The following DNAI4 variants were observed in gnomAD, a reference collection of about 807,000 sequenced individuals.
The protein encoded by DNAI4 is WD repeat domain 78.
Under a neutral mutation model 105.8 loss-of-function variants are expected in DNAI4, and 85 were observed. The ratio of observed to expected loss-of-function variants is 0.80; its 90% confidence interval spans 0.67 to 0.96. The LOEUF (loss-of-function observed/expected upper bound fraction) is 0.96, where lower values mean the gene tolerates loss of function less well. Ranked by LOEUF, DNAI4 falls within the 40% of genes least tolerant of loss-of-function variation. The pLI is 0.00. For synonymous variants in DNAI4, 352 were observed against 331.5 expected (o/e 1.06, Z -0.67); for missense variants, 1,014 against 1,005.6 (o/e 1.01, Z -0.11).
intron 16 of DNAI4, 41 bp downstream of exon 16, chr1:66,822,320 A>T: frequency 1.3e-6 from 2 of 1,533,204 alleles, no homozygotes; most frequent in Middle Eastern, 3.5e-4. Context: ...AACTGAATAG[A>T]CTAATAAAAT....
At chr1:66,817,464 T>G (rs1257202956) in intron 16 of DNAI4, among the ~76,000 whole-genome samples, 1 of 152,096 alleles carries the variant, frequency 6.6e-6, no homozygotes. Context: ...TCCCAGCTAC[T>G]TGGGAGGCTG....
intron 7 of DNAI4, among the ~76,000 whole-genome samples, chr1:66,853,268 C>G (rs1034678018): frequency 1.3e-5 from 2 of 152,214 alleles, no homozygotes; most frequent in Non-Finnish European, 2.9e-5. Flanking sequence ...ATGGGCATTA[C>G]CCCTTGGGCT....
intron 1 of DNAI4, among the ~76,000 whole-genome samples, chr1:66,920,125 A>G (rs978964559): frequency 6.6e-6 from 1 of 151,894 alleles, no homozygotes; most frequent in Non-Finnish European, 1.5e-5. Context: ...ACCCATAAAA[A>G]CCCCAGGCTC....
Position 66,841,904 on chromosome 1 carries a change from G to A in DNAI4, c.1292-1233C>T, listed in dbSNP as rs75561354. Among the ~76,000 whole-genome samples, 416 of 152,246 alleles carry A rather than the reference G, an allele frequency of 2.7e-3. 5 individuals carry two copies. Among genetic ancestry groups the A allele is most frequent in the African/African-American group, 9.4e-3 (390 of 41,536 alleles). On this transcript the variant is annotated intron_variant, in intron 8 of 16. Coordinates refer to ENST00000371026, the MANE Select transcript of DNAI4 (RefSeq NM_024763.5). ...GTATATTCTATAAGCTTTGACAAAC[G>A]TGTATAATGACATGTATCTGCCATT... is the stretch of plus-strand genomic sequence containing the variant.
At chr1:66,892,987 A>G (rs56192480) in intron 3 of DNAI4, among the ~76,000 whole-genome samples, 25 of 120,910 alleles carry the variant, frequency 2.1e-4, no homozygotes, top group African/African-American at 8.2e-4. Flanking sequence ...GAAAGAAAGA[A>G]AGAAAGAAAG....
At position 66,891,251 on chromosome 1, in the gene DNAI4, G is replaced by T; in HGVS notation, c.546C>A (p.Ser182Arg). 1 of 1,613,106 alleles carries T rather than the reference G, an allele frequency of 6.2e-7. No homozygotes were observed. Among genetic ancestry groups the T allele is most frequent in the Non-Finnish European group, 8.5e-7 (1 of 1,179,572 alleles). Residue 182 changes from serine (S) to arginine (R), a missense_variant, in exon 4 of 17, where the codon AGC becomes AGA. By Grantham distance (110) the Ser-to-Arg change is moderately radical (BLOSUM62 -1). Coordinates refer to ENST00000371026, the MANE Select transcript of DNAI4 (RefSeq NM_024763.5). ...LGQFTRSVLG[S>R]STVSKSSVSA... is the part of the protein sequence containing the mutation. ...ATACACTTGACTTAGAAACTGTACT[G>T]CTTCCTAAAACTGACCTTTAATAAT...
rs74225048 is a variant in DNAI4, at chr1:66,888,012, G to A, written c.643+3142C>T. On this transcript the variant is annotated intron_variant, in intron 4 of 16. Transcript: ENST00000371026. ...CTTGCAGTTATTTAAAATATCTATT[G>A]TATCTGTATGGTGGTGTGCTACTAA... 2.1e-3 allele frequency among the ~76,000 whole-genome samples: 313 copies of A among 152,108 alleles called. 6 individuals carry two copies. In the East Asian group the frequency reaches 0.053, roughly 26 times the overall value.
intron 4 of DNAI4, among the ~76,000 whole-genome samples, chr1:66,882,722 G>T (rs1463604283): frequency 6.6e-6 from 1 of 151,560 alleles, no homozygotes; most frequent in Non-Finnish European, 1.5e-5. Context: ...TTGAAATCAG[G>T]TAATGTGAGT....
chr1:66,897,016 T>C (rs1648392454), intron 2 of DNAI4, among the ~76,000 whole-genome samples: 1 of 150,820 alleles, frequency 6.6e-6, no homozygotes, highest in Non-Finnish European at 1.5e-5. Flanking sequence ...GCACTAAGGG[T>C]GATTCTGGTG....
intron 4 of DNAI4, among the ~76,000 whole-genome samples, chr1:66,878,825 T>C (rs1454934731): frequency 6.6e-6 from 1 of 152,176 alleles, no homozygotes; most frequent in Non-Finnish European, 1.5e-5. Flanking sequence ...AATACCCCCA[T>C]GGGAAGTGAC....
chr1:66,896,264 A>C lies in DNAI4; in HGVS notation c.346-2851T>G, dbSNP rs575142166. Among the ~76,000 whole-genome samples, 10 of 152,366 alleles carry C rather than the reference A, an allele frequency of 6.6e-5. No individual in the cohort carries two copies. The South Asian group carries it at 2.1e-3, about 32-fold the overall frequency. Reference sequence around the variant, plus strand: ...CTTTGGTAAAGTGTAATTTTTTAAAAGCTTTTTTACATTTTACCTAAATTT... The same window carrying C: ...CTTTGGTAAAGTGTAATTTTTTAAACGCTTTTTTACATTTTACCTAAATTT... On this transcript the variant is annotated intron_variant, in intron 2 of 16. Coordinates refer to ENST00000371026, the MANE Select transcript of DNAI4 (RefSeq NM_024763.5).
intron 4 of DNAI4, among the ~76,000 whole-genome samples, chr1:66,877,300 A>G (rs1646977952): frequency 6.6e-6 from 1 of 152,190 alleles, no homozygotes; most frequent in Non-Finnish European, 1.5e-5. Context: ...CAACCTGTGC[A>G]TGAGATGCTG....
At chr1:66,854,951 G>T (rs1312108532) in intron 7 of DNAI4, among the ~76,000 whole-genome samples, 1 of 152,130 alleles carries the variant, frequency 6.6e-6, no homozygotes, top group Non-Finnish European at 1.5e-5. Flanking sequence ...TTAATGCTTT[G>T]ATATCCTAGG....
intron 4 of DNAI4, among the ~76,000 whole-genome samples, chr1:66,880,548 C>T (rs1296308168): frequency 2.0e-5 from 3 of 152,022 alleles, no homozygotes; most frequent in Non-Finnish European, 4.4e-5. Context: ...CTTAGAGATT[C>T]GTGGAACTTG....
intron 4 of DNAI4, among the ~76,000 whole-genome samples, chr1:66,883,180 C>CTTTTTTTTTTTTTT (rs755412295): frequency 3.2e-5 from 3 of 92,996 alleles, no homozygotes; most frequent in Non-Finnish European, 4.3e-5. Flanking sequence ...GTTTTCTTTT[C>CTTTTTTTTTTTTTT]TTTTTTTTTT....
chr1:66,893,400 T>C lies in DNAI4; in HGVS notation c.359A>G (p.Asn120Ser). 1 of 1,554,902 alleles carries C rather than the reference T, an allele frequency of 6.4e-7. No homozygotes were observed. The highest frequency in any genetic ancestry group is 1.4e-5 in the African/African-American group (1 of 72,420). The change falls in exon 3 of 17, where the codon AAT (asparagine) becomes AGT (serine). Residue 120 changes from asparagine (N) to serine (S), a missense_variant. Coordinates refer to ENST00000371026, the MANE Select transcript of DNAI4 (RefSeq NM_024763.5). ...NIKTTQVFDI[N>S]GTDVTPRPLY... ...AGGTCGGGGAGTAACATCAGTTCCA[T>C]TTATGTCAAATACCTGTTAAAAATG... is the stretch of plus-strand genomic sequence containing the variant.
intron 4 of DNAI4, among the ~76,000 whole-genome samples, chr1:66,884,483 T>C (rs1002644372): frequency 1.3e-5 from 2 of 152,204 alleles, no homozygotes; most frequent in African/African-American, 2.4e-5. Context: ...GAAATGATCA[T>C]ACAGTTTTTG....
chr1:66,822,185 A>G (rs1645643156), intron 16 of DNAI4, among the ~76,000 whole-genome samples, 176 bp downstream of exon 16: 1 of 43,416 alleles, frequency 2.3e-5, no homozygotes, highest in Non-Finnish European at 6.0e-5. Flanking sequence ...ACGAGGCTGA[A>G]AAAAAAAAAA....
chr1:66,897,433 G>T (rs1010381513), intron 2 of DNAI4, among the ~76,000 whole-genome samples: 1 of 152,204 alleles, frequency 6.6e-6, no homozygotes, highest in African/African-American at 2.4e-5. Context: ...TGAACCAAGG[G>T]TGTGGCCCAG....
Sources: allele counts gnomAD v4.1 joint callset (sites outside exome capture counted in the v4.1 genomes callset), GRCh38; gene constraint gnomAD v4.1.1; transcripts MANE v1.5; gene names NCBI Gene and HGNC (gene_info 2026-07-23, HGNC 2026-07-21).